The following NCAM2 variants were observed in gnomAD, a reference collection of about 807,000 sequenced individuals.
NCAM2 encodes neural cell adhesion molecule 2.
A neutral mutation model predicts 98.1 loss-of-function variants in NCAM2; 30 were observed. The observed-to-expected ratio is 0.31, with a 90% CI of 0.23 to 0.41. NCAM2 has a LOEUF of 0.41. Ranked by LOEUF, NCAM2 falls within the 10% of genes least tolerant of loss-of-function variation. The pLI is 1.00. For missense variants in NCAM2, 867 were observed against 1,005.8 expected (o/e 0.86, Z 1.87); for synonymous variants, 368 against 342.4 (o/e 1.07, Z -0.83).
intron 13 of NCAM2, 87 bp from the exon 14 acceptor site, chr21:21,468,575 T>C: frequency 2.3e-6 from 3 of 1,306,716 alleles, no homozygotes; most frequent in Non-Finnish European, 3.1e-6. Context: ...TATATTTTGA[T>C]TACATTACTG....
intron 9 of NCAM2, among the ~76,000 whole-genome samples, chr21:21,407,268 A>G (rs767075407): frequency 2.0e-5 from 3 of 152,238 alleles, no homozygotes; most frequent in Non-Finnish European, 2.9e-5. Flanking sequence ...CATATCCTGT[A>G]TAGACATTTA....
chr21:21,331,509 C>CTATATATATATA (rs748594575), intron 6 of NCAM2, among the ~76,000 whole-genome samples: 165 of 5,014 alleles, frequency 0.033, 38 homozygotes, highest in African/African-American at 0.081. Context: ...ACTCTATACT[C>CTATATATATATA]TCTCTCTCTA....
intron 1 of NCAM2, among the ~76,000 whole-genome samples, chr21:21,054,604 T>C (rs7276492): frequency 0.88 from 133,813 of 151,992 alleles, 59,491 homozygotes; most frequent in Middle Eastern, 0.96. Flanking sequence ...TATACAGTGA[T>C]TTAAAACACA....
At chr21:21,485,439 T>C (rs903529169) in intron 15 of NCAM2, among the ~76,000 whole-genome samples, 3 of 152,142 alleles carry the variant, frequency 2.0e-5, no homozygotes, top group Non-Finnish European at 2.9e-5. Context: ...GAAAATATTA[T>C]AGACACTCCT....
chr21:21,080,654 C>CA (rs11454110), intron 1 of NCAM2, among the ~76,000 whole-genome samples: 107,833 of 107,892 alleles, frequency 1, 53,887 homozygotes, highest in Middle Eastern at 1. Flanking sequence ...TTGATAAGAT[C>CA]TCAAAAAAAA....
intron 1 of NCAM2, among the ~76,000 whole-genome samples, chr21:21,234,264 C>G (rs1400985427): frequency 6.6e-6 from 1 of 151,610 alleles, no homozygotes; most frequent in Non-Finnish European, 1.5e-5. Flanking sequence ...AATAGGAACC[C>G]TTCACTCATG....
chr21:21,348,432 A>T (rs945901872), intron 8 of NCAM2, among the ~76,000 whole-genome samples: 1 of 152,066 alleles, frequency 6.6e-6, no homozygotes, highest in African/African-American at 2.4e-5. Flanking sequence ...GTAAACACTG[A>T]TGAAAAAAAT....
At chr21:21,127,273 G>A (rs1018662497) in intron 1 of NCAM2, among the ~76,000 whole-genome samples, 2 of 151,658 alleles carry the variant, frequency 1.3e-5, no homozygotes, top group South Asian at 2.1e-4. Context: ...TCTCTGAAAC[G>A]AAAAACTGAA....
At chr21:21,195,488 A>G (rs2068972568) in intron 1 of NCAM2, among the ~76,000 whole-genome samples, 1 of 152,192 alleles carries the variant, frequency 6.6e-6, no homozygotes, top group Non-Finnish European at 1.5e-5. Flanking sequence ...CAGCATCACT[A>G]TGTTTTTGCT....
Position 20,998,559 on chromosome 21 carries a change from T to C in NCAM2, c.-5T>C. On this transcript the variant is annotated 5_prime_UTR_variant, in exon 1 of 18. Transcript: ENST00000400546. Reference sequence around the variant, plus strand: ...GAAACTGTCCACCGGTGTCACGTCCTGAACATGAGCCTCCTCCTCTCCTTC... The same window carrying C: ...GAAACTGTCCACCGGTGTCACGTCCCGAACATGAGCCTCCTCCTCTCCTTC... The C allele has an allele frequency of 1.2e-6, 2 of 1,614,008 alleles. No individual in the cohort carries two copies. The highest frequency in any genetic ancestry group is 2.2e-5 in the South Asian group (2 of 91,084).
In NCAM2 at chr21:21,012,308, T is replaced by C. The variant is rs145942658; in HGVS notation, c.55+13690T>C. Among the ~76,000 whole-genome samples, 382 of 152,288 alleles carry C rather than the reference T, an allele frequency of 2.5e-3. 2 individuals are homozygous for C. The highest frequency in any genetic ancestry group is 8.9e-3 in the South Asian group (43 of 4,826). On this transcript the variant is annotated intron_variant, in intron 1 of 17. Transcript: ENST00000400546. ...CATTAAGAACTACATAACATTAATA[T>C]TTAAATATGAGCTGTATCTTTAAAT...
intron 1 of NCAM2, among the ~76,000 whole-genome samples, chr21:21,147,942 C>T (rs930076995): frequency 1.1e-4 from 17 of 151,452 alleles, no homozygotes; most frequent in African/African-American, 3.9e-4. Flanking sequence ...AGTGAAAAGC[C>T]AGTGCTGTGA....
At chr21:21,356,853 G>A (rs2075495827) in intron 8 of NCAM2, among the ~76,000 whole-genome samples, 2 of 152,042 alleles carry the variant, frequency 1.3e-5, no homozygotes, top group Non-Finnish European at 2.9e-5. Context: ...AGCAGGGCGT[G>A]GTGGCACATG....
intron 1 of NCAM2, among the ~76,000 whole-genome samples, chr21:21,023,929 G>A (rs150648780): frequency 0.012 from 1,805 of 152,162 alleles, 17 homozygotes; most frequent in Non-Finnish European, 0.018. Flanking sequence ...GAGGATTTTG[G>A]CTTTAATGTC....
chr21:21,375,221 C>CAA (rs201564357), intron 9 of NCAM2, among the ~76,000 whole-genome samples: 8 of 134,522 alleles, frequency 5.9e-5, no homozygotes, highest in African/African-American at 1.9e-4. Context: ...AAAACAAAAA[C>CAA]AAAAAAAAAA....
chr21:21,501,973 AT>A (rs1356868127), intron 15 of NCAM2, among the ~76,000 whole-genome samples: 1 of 152,034 alleles, frequency 6.6e-6, no homozygotes, highest in Admixed American at 6.6e-5. Context: ...AATAAGAGTA[AT>A]TAGATACCTT....
intron 8 of NCAM2, among the ~76,000 whole-genome samples, chr21:21,342,236 C>A (rs2075063272): frequency 6.6e-6 from 1 of 152,106 alleles, no homozygotes; most frequent in South Asian, 2.1e-4. Context: ...TAGTAAATGA[C>A]CCCATAATAT....
At chr21:21,484,460 T>G (rs933133775) in intron 15 of NCAM2, among the ~76,000 whole-genome samples, 1 of 152,174 alleles carries the variant, frequency 6.6e-6, no homozygotes, top group African/African-American at 2.4e-5. Flanking sequence ...TGCAGATAAA[T>G]GCTGTGAAGC....
intron 4 of NCAM2, 147 bp downstream of exon 4, chr21:21,286,559 A>T: frequency 1.1e-6 from 1 of 874,160 alleles, no homozygotes; most frequent in South Asian, 2.0e-5. Context: ...GCTCTACATT[A>T]GGATTTTGCA....
Sources: gnomAD v4.1 joint callset for allele counts (sites outside exome capture counted in the v4.1 genomes callset) on GRCh38, gnomAD v4.1.1 for gene constraint, MANE v1.5 for transcripts, NCBI Gene and HGNC (gene_info 2026-07-23, HGNC 2026-07-21) for gene names.